The following PIKFYVE variants were observed in gnomAD, a reference collection of about 807,000 sequenced individuals.
The protein encoded by PIKFYVE is phosphoinositide kinase, FYVE-type zinc finger containing.
In PIKFYVE, 122 loss-of-function variants were observed where a neutral mutation model predicts 257.9. The observed-to-expected ratio is 0.47, with a 90% confidence interval of 0.41 to 0.55. The LOEUF (loss-of-function observed/expected upper bound fraction) is 0.55, where lower values mean the gene tolerates loss of function less well. PIKFYVE is among the 20% of genes least tolerant of loss of function. PIKFYVE has a pLI of 0.00. For missense variants in PIKFYVE, 2,160 were observed against 2,536.6 expected, an observed-to-expected ratio of 0.85 and a Z score of 3.19; for synonymous variants, 892 against 868.9, an observed-to-expected ratio of 1.03 and a Z score of -0.47.
In PIKFYVE at chr2:208,286,687, A is replaced by AT. The variant is rs779100232; in HGVS notation, c.821+769dup. Among the ~76,000 whole-genome samples, 459 of 140,288 alleles carry AT rather than the reference A, an allele frequency of 3.3e-3. 1 individual carries two copies. The highest frequency in any genetic ancestry group is 4.0e-3 in the Admixed American group (56 of 13,902). 92.0% of individuals were successfully genotyped at this position (140,288 alleles called of 152,430 possible). On this transcript the variant is annotated intron_variant, in intron 6 of 41. Coordinates refer to ENST00000264380, the MANE Select transcript of PIKFYVE (RefSeq NM_015040.4). ...AGGCGCACACCACTGTGCTTGGCTG[A>AT]TTTTTTTTTTTTTTTAAGAGATGGG...
intron 2 of PIKFYVE, among the ~76,000 whole-genome samples, chr2:208,271,965 T>G (rs760782951): frequency 6.6e-5 from 10 of 152,248 alleles, no homozygotes; most frequent in Non-Finnish European, 1.3e-4. Context: ...CCAGGCGTGA[T>G]GCCTCACACC....
intron 41 of PIKFYVE, among the ~76,000 whole-genome samples, chr2:208,354,945 C>T (rs1044383214): frequency 1.3e-5 from 2 of 152,132 alleles, no homozygotes; most frequent in Non-Finnish European, 2.9e-5. Flanking sequence ...CACTGTTAGC[C>T]TCATTTGTGC....
intron 12 of PIKFYVE, among the ~76,000 whole-genome samples, chr2:208,307,108 A>C (rs1694419623): frequency 6.6e-6 from 1 of 152,090 alleles, no homozygotes; most frequent in African/African-American, 2.4e-5. Flanking sequence ...TATCTATCAA[A>C]GTTGTAAGTG....
At chr2:208,319,580 C>T (rs1158084341) in intron 16 of PIKFYVE, among the ~76,000 whole-genome samples, 1 of 152,114 alleles carries the variant, frequency 6.6e-6, no homozygotes, top group East Asian at 1.9e-4. Flanking sequence ...AATTGAGTTT[C>T]CCAGCTGGTG....
intron 12 of PIKFYVE, 34 bp from the exon 13 acceptor site, chr2:208,312,202 T>C (rs771672051): frequency 1.4e-4 from 202 of 1,488,628 alleles, no homozygotes; most frequent in Non-Finnish European, 1.8e-4. Context: ...TCTCTACTTT[T>C]GTTCCTCCTC....
intron 17 of PIKFYVE, among the ~76,000 whole-genome samples, chr2:208,322,740 A>G (rs144714102): frequency 7.8e-4 from 119 of 151,844 alleles, no homozygotes; most frequent in African/African-American, 2.8e-3. Context: ...GTACATGTGC[A>G]CAATGTGCAG....
At chr2:208,312,092 C>G in intron 12 of PIKFYVE, 144 bp from the exon 13 acceptor site, 1 of 671,494 alleles carries the variant, frequency 1.5e-6, no homozygotes, top group East Asian at 2.8e-5. Flanking sequence ...TTACCCAAAG[C>G]TTTCTTGAAT....
At chr2:208,321,751 T>A (rs1696266010) in intron 17 of PIKFYVE, among the ~76,000 whole-genome samples, 1 of 152,042 alleles carries the variant, frequency 6.6e-6, no homozygotes, top group South Asian at 2.1e-4. Flanking sequence ...CTAATTTTTG[T>A]ATTTTTTTAG....
At chr2:208,318,945 C>T (rs1206048656) in intron 16 of PIKFYVE, among the ~76,000 whole-genome samples, 9 of 93,870 alleles carry the variant, frequency 9.6e-5, no homozygotes, top group Non-Finnish European at 1.3e-4. Flanking sequence ...AGCGAGACTC[C>T]GTCTCAAAAA....
intron 17 of PIKFYVE, among the ~76,000 whole-genome samples, chr2:208,321,581 T>C (rs1353511878): frequency 7.4e-6 from 1 of 134,406 alleles, no homozygotes; most frequent in Non-Finnish European, 1.6e-5. Context: ...TTTTGTTTTT[T>C]TTTTTTTTTT....
rs1332370939 is a variant in PIKFYVE, at chr2:208,304,891, C to A, written c.1514C>A (p.Ser505Tyr). 1.2e-6 allele frequency: 2 copies of A among 1,614,194 alleles called. No homozygotes were observed. Among genetic ancestry groups the A allele is most frequent in the Admixed American group, 3.3e-5 (2 of 60,032 alleles). ...CGCACATCAGTCAGCAGTTTCCAGT[C>A]CACAGTGGACAGTGACTCAGCCGCT... ...SKRTSVSSFQ[S>Y]TVDSDSAASI... The change falls in exon 12 of 42, where the codon TCC becomes TAC. Residue 505 changes from serine to tyrosine, a missense_variant. Ser to Tyr is a moderately radical substitution (Grantham distance 144). Around this residue, in one of 12 missense-constraint regions of PIKFYVE, gnomAD observed 346 missense variants for 365.6 expected, o/e 0.95. Coordinates refer to ENST00000264380, the MANE Select transcript of PIKFYVE (RefSeq NM_015040.4).
intron 3 of PIKFYVE, 100 bp from the exon 4 acceptor site, chr2:208,276,612 T>TATGCCAACAATAAGAGGCAGTTTCC: frequency 1.2e-6 from 1 of 859,434 alleles, no homozygotes; most frequent in South Asian, 1.3e-5. Context: ...AACATAATTA[T>TATGCCAACAATAAGAGGCAGTTTCC]ATGCCAACAA....
chr2:208,273,480 G>A (rs1054057117), intron 2 of PIKFYVE, 104 bp from the exon 3 acceptor site: 21 of 1,350,756 alleles, frequency 1.6e-5, no homozygotes, highest in African/African-American at 7.3e-5. Flanking sequence ...TTTTAGTTAC[G>A]CATATAATAC....
intron 34 of PIKFYVE, among the ~76,000 whole-genome samples, chr2:208,346,564 A>G (rs780744849): frequency 2.0e-4 from 31 of 152,190 alleles, no homozygotes; most frequent in Non-Finnish European, 4.3e-4. Flanking sequence ...ATTATTTGAC[A>G]TATCCTTATT....
chr2:208,351,226 T>G (rs1699745277), intron 37 of PIKFYVE, 126 bp from the exon 38 acceptor site: 4 of 921,652 alleles, frequency 4.3e-6, no homozygotes, highest in Admixed American at 2.1e-5. Context: ...AAATTTTCAC[T>G]GTGACATTAG....
chr2:208,288,736 C>G lies in PIKFYVE; in HGVS notation c.829C>G (p.His277Asp). Residue 277 changes from histidine (H) to aspartate (D), a missense_variant, in exon 7 of 42, where the codon CAT (histidine) becomes GAT (aspartate). Physicochemically the swap from His to Asp is moderately conservative, Grantham distance 81. Transcript: ENST00000264380. The part of the protein sequence containing the change: ...EDDLAWQSLI[H>D]PDSSNTPLST... ...TTCCTATTTTCTTTATAGTTTGATT[C>G]ATCCAGATTCCTCAAATACTCCTCT... 1 of 1,613,920 alleles carries G rather than the reference C, an allele frequency of 6.2e-7. No homozygotes were observed. The highest frequency in any genetic ancestry group is 8.5e-7 in the Non-Finnish European group (1 of 1,179,932).
rs774860341 is a variant in PIKFYVE at position 208,347,913 on chromosome 2, C to T, written c.5264C>T (p.Pro1755Leu). ...TTCAGAGGGACAGCAGGGAAAAGCC[C>T]CGATCTCTCTTCCCAGAAGAGAGAG... ...SFFRGTAGKS[P>L]DLSSQKRETL... The change falls in exon 35 of 42, where the codon CCC becomes CTC. Residue 1755 changes from proline (P) to leucine (L), a missense_variant. By Grantham distance (98) the Pro-to-Leu change is moderately conservative. Coordinates refer to ENST00000264380, the MANE Select transcript of PIKFYVE (RefSeq NM_015040.4). The T allele has an allele frequency of 6.2e-7, 1 of 1,613,804 alleles. No individual in the cohort carries two copies. Among genetic ancestry groups the T allele is most frequent in the East Asian group, 2.2e-5 (1 of 44,876 alleles).
intron 31 of PIKFYVE, among the ~76,000 whole-genome samples, chr2:208,340,556 A>G (rs1483835479): frequency 6.6e-6 from 1 of 152,068 alleles, no homozygotes; most frequent in Non-Finnish European, 1.5e-5. Flanking sequence ...TCTTTTTTTT[A>G]TGGGGTGCAC....
intron 29 of PIKFYVE, 109 bp from the exon 30 acceptor site, chr2:208,339,309 A>G (rs931485509): frequency 1.5e-6 from 2 of 1,344,572 alleles, no homozygotes; most frequent in Non-Finnish European, 2.1e-6. Flanking sequence ...TAAAAAGTAA[A>G]AATTCTACCT....
Sources: gnomAD v4.1 joint callset for allele counts (sites outside exome capture counted in the v4.1 genomes callset) on GRCh38, gnomAD v4.1.1 for gene constraint, gnomAD v4.1.1 regional missense constraint, MANE v1.5 for transcripts, NCBI Gene and HGNC (gene_info 2026-07-23, HGNC 2026-07-21) for gene names.